MICAL3: variants seen among roughly 807,000 people sequenced by gnomAD.
The protein encoded by MICAL3 is microtubule associated monooxygenase, calponin and LIM domain containing 3.
A neutral mutation model predicts 207.4 loss-of-function variants in MICAL3; 62 were observed. The observed-to-expected ratio is 0.30, with a 90% CI of 0.24 to 0.37. The LOEUF (loss-of-function observed/expected upper bound fraction) is 0.37, where lower values mean the gene tolerates loss of function less well. Among genes scored for constraint, MICAL3 ranks in the 10% least tolerant of loss-of-function variants. The pLI, the probability that MICAL3 is intolerant of heterozygous loss-of-function variation, is 1.00. For missense variants in MICAL3, 2,368 were observed against 2,635.6 expected, an observed-to-expected ratio of 0.90 and a Z score of 2.22; for synonymous variants, 1,077 against 1,069.3, an observed-to-expected ratio of 1.01 and a Z score of -0.14.
chr22:17,894,170 G>A (rs1930628668), intron 10 of MICAL3, among the ~76,000 whole-genome samples: 1 of 152,212 alleles, frequency 6.6e-6, no homozygotes, highest in South Asian at 2.1e-4. Flanking sequence ...CCTATAGTTG[G>A]GGAGGCCGAG....
rs567914032 is a variant in MICAL3 at position 17,906,673 on chromosome 22, C to A, written c.140G>T (p.Arg47Leu). 9.3e-6 allele frequency: 15 copies of A among 1,613,918 alleles called. No homozygotes were observed. Among genetic ancestry groups the A allele is most frequent in the Non-Finnish European group, 3.4e-6 (4 of 1,179,848 alleles). ...DHLELKPKDY[R>L]SFYHKLKSKL... ...GGACTTGAGCTTGTGATAGAAGGAG[C>A]GGTAGTCCTTTGGCTTTAGTTCCAG... The change falls in exon 2 of 32, where the codon CGC becomes CTC. Residue 47 changes from arginine (R) to leucine (L), a missense_variant. Around this residue, in one of 4 missense-constraint regions of MICAL3, gnomAD observed 400 missense variants for 547.0 expected, o/e 0.73. Transcript: ENST00000441493.
intron 27 of MICAL3, among the ~76,000 whole-genome samples, chr22:17,811,653 C>T (rs1340629728): frequency 6.6e-6 from 1 of 152,238 alleles, no homozygotes; most frequent in Admixed American, 6.5e-5. Flanking sequence ...ATGCTTTGAA[C>T]AAACCATGGG....
intron 1 of MICAL3, among the ~76,000 whole-genome samples, chr22:17,959,006 T>TG (rs1243661640): frequency 1.6e-5 from 2 of 126,168 alleles, no homozygotes; most frequent in South Asian, 2.6e-4. Flanking sequence ...GCGCCGGGCC[T>TG]GGGGTTTTTT....
In MICAL3 at chr22:17,818,823, T is replaced by G; in HGVS notation, c.3838A>C (p.Ile1280Leu). 1 of 1,330,960 alleles carries G rather than the reference T, an allele frequency of 7.5e-7. No homozygotes were observed. Among genetic ancestry groups the G allele is most frequent in the Non-Finnish European group, 9.9e-7 (1 of 1,013,434 alleles). The allele number at this position is 1,330,960 out of a possible 1,614,324, so 82.4% of individuals were successfully genotyped here. ...TTGGCCGGGGCAGGCTGGAAGCGTA[T>G]GGGGGACTGGGTAGGGGATGGGACA... is the stretch of plus-strand genomic sequence containing the variant. ...ATVPSPTQSPIRFQPAPAKTS... is the reference protein window; with the variant it reads ...ATVPSPTQSPLRFQPAPAKTS... Residue 1280 changes from isoleucine (I) to leucine (L), a missense_variant, in exon 26 of 32, where the codon ATA (isoleucine) becomes CTA (leucine). Around this residue, in one of 4 missense-constraint regions of MICAL3, gnomAD observed 1,770 missense variants for 1,863.2 expected, o/e 0.95. Transcript: ENST00000441493.
intron 1 of MICAL3, among the ~76,000 whole-genome samples, chr22:17,914,340 A>G (rs1347745573): frequency 6.6e-6 from 1 of 152,204 alleles, no homozygotes; most frequent in Non-Finnish European, 1.5e-5. Flanking sequence ...CAAGACAGAT[A>G]GAAGATACTG....
chr22:18,014,116 G>GAC (rs35404796), intron 1 of MICAL3, among the ~76,000 whole-genome samples: 36,319 of 147,854 alleles, frequency 0.25, 4,732 homozygotes, highest in East Asian at 0.38. Context: ...CCCTCTCTTA[G>GAC]ACACACACAC....
At chr22:17,964,044 A>T (rs1485612145) in intron 1 of MICAL3, among the ~76,000 whole-genome samples, 1 of 152,194 alleles carries the variant, frequency 6.6e-6, no homozygotes, top group African/African-American at 2.4e-5. Context: ...TAACAGAGAG[A>T]CTTCCTTCTG....
chr22:17,860,896 C>A, intron 19 of MICAL3: 2 of 985,402 alleles, frequency 2.0e-6, no homozygotes, highest in Non-Finnish European at 2.4e-6. Context: ...GAACAAGCAG[C>A]TTTAGAAACA....
chr22:17,822,558 C>G (rs1294453145), intron 23 of MICAL3, among the ~76,000 whole-genome samples: 1 of 152,232 alleles, frequency 6.6e-6, no homozygotes, highest in Non-Finnish European at 1.5e-5. Context: ...AACTCCACAG[C>G]TGAGGCCTGC....
Position 17,896,646 on chromosome 22 carries a change from T to C in MICAL3, c.1206+78A>G, listed in dbSNP as rs1304127012. 4 of 1,475,242 alleles carry C rather than the reference T, an allele frequency of 2.7e-6. No homozygotes were observed. The African/African-American group carries it at 4.2e-5, about 15-fold the overall frequency. 91.4% of individuals were successfully genotyped at this position (1,475,242 alleles called of 1,614,324 possible). A position where few individuals can be genotyped will look rare whatever the true frequency, so the allele number is the denominator to read the frequency against. ...GCTGTACAACACTGCAGACGCTCATTCCAAGACCCAGGATGCCCAGATTCA... is the reference window on the plus strand; with the variant it reads ...GCTGTACAACACTGCAGACGCTCATCCCAAGACCCAGGATGCCCAGATTCA... On this transcript the variant is annotated intron_variant, in intron 8 of 31. Transcript: ENST00000441493.
chr22:17,790,989 C>A lies in MICAL3; in HGVS notation c.5824+9G>T. The stretch of plus-strand genomic sequence containing the variant: ...ACCCTGGCCTCCATGGGTGCCTTAC[C>A]CCACTCACCTTCCACTGCCATGCGT... On this transcript the variant is annotated intron_variant, in intron 31 of 31. Transcript: ENST00000441493. 1 of 1,612,156 alleles carries A rather than the reference C, an allele frequency of 6.2e-7. No individual in the cohort carries two copies. Among genetic ancestry groups the A allele is most frequent in the Non-Finnish European group, 8.5e-7 (1 of 1,179,652 alleles).
At chr22:17,896,453 A>C in intron 8 of MICAL3, 92 bp from the exon 9 acceptor site, 2 of 868,372 alleles carry the variant, frequency 2.3e-6, no homozygotes, top group South Asian at 3.1e-5. Flanking sequence ...TGCTGTCGAC[A>C]GTAGTGTTTG....
At chr22:17,879,968 A>G (rs769464602) in intron 16 of MICAL3, among the ~76,000 whole-genome samples, 1 of 152,224 alleles carries the variant, frequency 6.6e-6, no homozygotes, top group Non-Finnish European at 1.5e-5. Context: ...AAAGACCTGC[A>G]GGTAGGGACA....
Position 17,842,950 on chromosome 22 carries a change from T to C in MICAL3, c.2606-933A>G, listed in dbSNP as rs575042883. Among the ~76,000 whole-genome samples, 15 of 152,024 alleles carry C rather than the reference T, an allele frequency of 9.9e-5. No homozygotes were observed. The South Asian group carries it at 3.1e-3, about 32-fold the overall frequency. ...TCCTGGCTAACACAGTGAGACCCCATCTCTACTAAAAATACAAAAAATTAA... is the reference window on the plus strand; with the variant it reads ...TCCTGGCTAACACAGTGAGACCCCACCTCTACTAAAAATACAAAAAATTAA... On this transcript the variant is annotated intron_variant, in intron 19 of 31. Transcript: ENST00000441493.
intron 1 of MICAL3, among the ~76,000 whole-genome samples, chr22:17,983,978 C>A (rs1936042047): frequency 6.6e-6 from 1 of 152,202 alleles, no homozygotes; most frequent in Non-Finnish European, 1.5e-5. Flanking sequence ...AAACGCAAAT[C>A]ATCGTGACTC....
intron 6 of MICAL3, 50 bp from the exon 7 acceptor site, chr22:17,899,598 G>GC: frequency 8.3e-7 from 1 of 1,204,456 alleles, no homozygotes; most frequent in Non-Finnish European, 1.2e-6. Context: ...AGATGAAGGT[G>GC]CATCAGGGCA....
At chr22:17,935,001 A>C (rs1933446415) in intron 1 of MICAL3, among the ~76,000 whole-genome samples, 1 of 152,176 alleles carries the variant, frequency 6.6e-6, no homozygotes, top group Admixed American at 6.6e-5. Context: ...CATGGATAGG[A>C]AGAATCAATA....
intron 29 of MICAL3, among the ~76,000 whole-genome samples, chr22:17,792,364 G>A (rs2061833071): frequency 6.6e-6 from 1 of 152,234 alleles, no homozygotes; most frequent in Non-Finnish European, 1.5e-5. Flanking sequence ...GTTCCAAGCT[G>A]CTCCTGGGCT....
chr22:17,915,822 C>G (rs372173777), intron 1 of MICAL3, among the ~76,000 whole-genome samples: 1 of 151,872 alleles, frequency 6.6e-6, no homozygotes, highest in East Asian at 1.9e-4. Context: ...CTGGGTGTGG[C>G]GACTGATGAC....
Sources: allele counts gnomAD v4.1 joint callset (sites outside exome capture counted in the v4.1 genomes callset), GRCh38; gene constraint gnomAD v4.1.1; regional missense constraint gnomAD v4.1.1; transcripts MANE v1.5; gene names NCBI Gene and HGNC (gene_info 2026-07-23, HGNC 2026-07-21).